SHROOM3: variants seen among roughly 807,000 people sequenced by gnomAD.
The protein encoded by SHROOM3 is protein Shroom3.
In SHROOM3, 47 loss-of-function variants were observed where a neutral mutation model predicts 138.6. That is an observed-to-expected ratio of 0.34 (90% confidence interval 0.27 to 0.43). The LOEUF (loss-of-function observed/expected upper bound fraction) is 0.43, where lower values mean the gene tolerates loss of function less well. SHROOM3 is among the 20% of genes least tolerant of loss of function. SHROOM3 has a pLI of 1.00. For synonymous variants in SHROOM3, 1,062 were observed against 1,063.3 expected (o/e 1.00, Z 0.02); for missense variants, 2,491 against 2,596.5 (o/e 0.96, Z 0.88).
At chr4:76,733,916 A>G (rs1720954821) in intron 4 of SHROOM3, among the ~76,000 whole-genome samples, 1 of 152,134 alleles carries the variant, frequency 6.6e-6, no homozygotes, top group African/African-American at 2.4e-5. Context: ...CTGAAATTGT[A>G]TTTCAGCTGC....
At chr4:76,513,229 A>G (rs1194467846) in intron 1 of SHROOM3, among the ~76,000 whole-genome samples, 1 of 152,208 alleles carries the variant, frequency 6.6e-6, no homozygotes, top group Non-Finnish European at 1.5e-5. Flanking sequence ...TGAAAGGGAG[A>G]CAATGCCAGC....
At position 76,733,474 on chromosome 4, in the gene SHROOM3, T is replaced by G. The variant is rs1278598839; in HGVS notation, c.587+2539T>G. On this transcript the variant is annotated intron_variant, in intron 4 of 10. Coordinates refer to ENST00000296043, the MANE Select transcript of SHROOM3 (RefSeq NM_020859.4). Reference sequence around the variant, plus strand: ...AAAGGAAAGTTCAAATAACTCAAAATGTTACAGGCGTGTGCATTCTCTCCT... The same window carrying G: ...AAAGGAAAGTTCAAATAACTCAAAAGGTTACAGGCGTGTGCATTCTCTCCT... Among the ~76,000 whole-genome samples, 4 of 152,306 alleles carry G rather than the reference T, an allele frequency of 2.6e-5. No individual in the cohort carries two copies. The South Asian group carries it at 8.3e-4, about 32-fold the overall frequency.
intron 3 of SHROOM3, among the ~76,000 whole-genome samples, chr4:76,729,292 G>A (rs1381783410): frequency 1.3e-5 from 2 of 152,030 alleles, no homozygotes; most frequent in African/African-American, 4.8e-5. Context: ...CTACATTCCA[G>A]CCTCTCTCCC....
rs1248049326 is a variant in SHROOM3, at chr4:76,781,117, T to G, written c.*1940T>G. On this transcript the variant is annotated 3_prime_UTR_variant, in exon 11 of 11. Transcript: ENST00000296043. ...GGGGAACATTTTACATATTCAGTCT[T>G]TCTCAAAAATTTTTATTTATTTTCT... 6.6e-6 allele frequency: 1 copy of G among 152,184 alleles called. No homozygotes were observed. Among genetic ancestry groups the G allele is most frequent in the Non-Finnish European group, 1.5e-5 (1 of 68,032 alleles). The allele number at this position is 152,184 out of a possible 1,614,324, so 9.4% of individuals were successfully genotyped here. A position where few individuals can be genotyped will look rare whatever the true frequency, so the allele number is the denominator to read the frequency against.
At chr4:76,680,480 C>A (rs1053523324) in intron 2 of SHROOM3, among the ~76,000 whole-genome samples, 3 of 152,190 alleles carry the variant, frequency 2.0e-5, no homozygotes, top group Non-Finnish European at 4.4e-5. Context: ...AGTGGATTTT[C>A]TTCTCTGAAA....
At chr4:76,778,669 A>T (rs1168737874) in intron 10 of SHROOM3, 140 bp from the exon 11 acceptor site, 2 of 1,103,416 alleles carry the variant, frequency 1.8e-6, no homozygotes, top group African/African-American at 1.6e-5. Context: ...ATTTTCAAAA[A>T]GTTAGCCTCC....
At chr4:76,538,721 C>A (rs1312668464) in intron 1 of SHROOM3, among the ~76,000 whole-genome samples, 1 of 151,808 alleles carries the variant, frequency 6.6e-6, no homozygotes, top group African/African-American at 2.4e-5. Context: ...ATTCATGCAA[C>A]ATGTATTTGT....
At chr4:76,487,206 G>A (rs1361093093) in intron 1 of SHROOM3, among the ~76,000 whole-genome samples, 1 of 152,178 alleles carries the variant, frequency 6.6e-6, no homozygotes, top group Non-Finnish European at 1.5e-5. Context: ...GCTTTTGGTG[G>A]CAAGTTTCTT....
At chr4:76,507,858 C>A (rs1732246266) in intron 1 of SHROOM3, among the ~76,000 whole-genome samples, 2 of 151,958 alleles carry the variant, frequency 1.3e-5, no homozygotes, top group Admixed American at 6.6e-5. Flanking sequence ...GTTTGTATAT[C>A]TTCTTATCGG....
chr4:76,726,474 C>T (rs988520244), intron 3 of SHROOM3, among the ~76,000 whole-genome samples: 1 of 148,324 alleles, frequency 6.7e-6, no homozygotes, highest in Non-Finnish European at 1.5e-5. Context: ...CATTCGCATG[C>T]CCCAGAATGA....
At chr4:76,566,868 G>A (rs889949510) in intron 2 of SHROOM3, among the ~76,000 whole-genome samples, 2 of 152,170 alleles carry the variant, frequency 1.3e-5, no homozygotes, top group Non-Finnish European at 2.9e-5. Flanking sequence ...GGGCATCTTC[G>A]CATGTGGCAG....
chr4:76,523,956 A>G (rs1278565909), intron 1 of SHROOM3, among the ~76,000 whole-genome samples: 1 of 152,228 alleles, frequency 6.6e-6, no homozygotes, highest in Non-Finnish European at 1.5e-5. Context: ...GAGCTGTGGC[A>G]GAACTTTAAG....
chr4:76,565,154 C>A (rs1733695228), intron 2 of SHROOM3, among the ~76,000 whole-genome samples: 1 of 128,966 alleles, frequency 7.8e-6, no homozygotes, highest in African/African-American at 3.2e-5. Flanking sequence ...GGGCGAGACT[C>A]CATTTCAAAA....
At chr4:76,483,320 T>A (rs138193746) in intron 1 of SHROOM3, among the ~76,000 whole-genome samples, 19,240 of 151,984 alleles carry the variant, frequency 0.13, 1,381 homozygotes, top group East Asian at 0.22. Flanking sequence ...AACAACCCCA[T>A]CAAAAAGTGA....
intron 1 of SHROOM3, among the ~76,000 whole-genome samples, chr4:76,520,296 C>A (rs144134310): frequency 3.3e-5 from 5 of 152,240 alleles, no homozygotes; most frequent in Non-Finnish European, 7.4e-5. Flanking sequence ...AGTCATGTCG[C>A]AACAAGTCTC....
intron 2 of SHROOM3, among the ~76,000 whole-genome samples, chr4:76,589,723 G>A (rs1577904022): frequency 6.6e-6 from 1 of 152,210 alleles, no homozygotes; most frequent in Non-Finnish European, 1.5e-5. Flanking sequence ...CTCCAGGGGC[G>A]GGGGTCCCAG....
intron 2 of SHROOM3, chr4:76,689,553 G>A (rs1719448756): frequency 2.0e-6 from 2 of 984,268 alleles, no homozygotes; most frequent in Non-Finnish European, 2.4e-6. Context: ...GGTGGCGCAG[G>A]GCGCTGCTGG....
intron 1 of SHROOM3, among the ~76,000 whole-genome samples, chr4:76,496,535 G>A (rs1731972026): frequency 6.6e-6 from 1 of 152,122 alleles, no homozygotes; most frequent in African/African-American, 2.4e-5. Flanking sequence ...AGGTGTTCTT[G>A]GACTCATTGA....
rs1311047183 is a variant in SHROOM3, at chr4:76,459,707, G to A, written c.168+23487G>A. 2.6e-5 allele frequency among the ~76,000 whole-genome samples: 4 copies of A among 152,058 alleles called. No homozygotes were observed. The East Asian group carries it at 5.8e-4, about 22-fold the overall frequency. On this transcript the variant is annotated intron_variant, in intron 1 of 10. Transcript: ENST00000296043. ...GTACATTTCTGGTCCTAACTGCATT[G>A]TTGTCCCTCAGGATTCTCGGTGCCT...
Sources: allele counts gnomAD v4.1 joint callset (sites outside exome capture counted in the v4.1 genomes callset), GRCh38; gene constraint gnomAD v4.1.1; transcripts MANE v1.5; gene names NCBI Gene and HGNC (gene_info 2026-07-23, HGNC 2026-07-21).